Variants in DLGAP2 observed in about 807,000 individuals in gnomAD.
DLGAP2 encodes disks large-associated protein 2.
Under a neutral mutation model 100.3 loss-of-function variants are expected in DLGAP2, and 26 were observed. The observed-to-expected ratio is 0.26, with a 90% confidence interval of 0.19 to 0.36. The LOEUF is 0.36. Ranked by LOEUF, DLGAP2 falls within the 10% of genes least tolerant of loss-of-function variation. DLGAP2 has a pLI of 1.00. For synonymous variants in DLGAP2, 886 were observed against 630.1 expected, an observed-to-expected ratio of 1.41 and a Z score of -6.08; for missense variants, 1,858 against 1,453.2, an observed-to-expected ratio of 1.28 and a Z score of -4.53.
At position 885,810 on chromosome 8, in the gene DLGAP2, T is replaced by C. The variant is rs1182119638; in HGVS notation, c.19-22102T>C. ...ATATGTTCCTTCAATACCTAGTTTATTGAGAGTGTTTAACAATCAATGTTC... is the reference window on the plus strand; with the variant it reads ...ATATGTTCCTTCAATACCTAGTTTACTGAGAGTGTTTAACAATCAATGTTC... On this transcript the variant is annotated intron_variant, in intron 1 of 14. Transcript: ENST00000637795. Among the ~76,000 whole-genome samples the C allele has an allele frequency of 2.1e-4, 32 of 152,368 alleles. 1 individual carries two copies. The highest frequency in any genetic ancestry group is 2.0e-3 in the Admixed American group (31 of 15,304).
chr8:1,044,036 G>A (rs1488107193), intron 2 of DLGAP2, among the ~76,000 whole-genome samples: 1 of 152,110 alleles, frequency 6.6e-6, no homozygotes, highest in Non-Finnish European at 1.5e-5. Context: ...ACTTCTCACA[G>A]CAGTGACTGC....
chr8:762,864 T>C (rs543298137), intron 1 of DLGAP2, among the ~76,000 whole-genome samples: 55 of 152,088 alleles, frequency 3.6e-4, no homozygotes, highest in Admixed American at 1.6e-3. Context: ...TTTTTGTAGA[T>C]ACAGAGTTTC....
At chr8:1,563,627 T>A (rs1802269860) in intron 5 of DLGAP2, among the ~76,000 whole-genome samples, 1 of 152,068 alleles carries the variant, frequency 6.6e-6, no homozygotes, top group Admixed American at 6.5e-5. Flanking sequence ...GGGGAGCTCC[T>A]GCTCGTCCAG....
intron 2 of DLGAP2, among the ~76,000 whole-genome samples, chr8:1,203,610 T>C (rs1477739920): frequency 6.6e-6 from 1 of 152,210 alleles, no homozygotes; most frequent in African/African-American, 2.4e-5. Context: ...CTCGTTTGAA[T>C]GTACTTCCTA....
intron 2 of DLGAP2, among the ~76,000 whole-genome samples, chr8:1,223,048 A>G (rs894012855): frequency 6.6e-6 from 1 of 152,108 alleles, no homozygotes; most frequent in Non-Finnish European, 1.5e-5. Flanking sequence ...CTCCTTGGGC[A>G]CTTCTCCCTG....
At chr8:1,482,821 C>T (rs1365674748) in intron 3 of DLGAP2, among the ~76,000 whole-genome samples, 1 of 152,220 alleles carries the variant, frequency 6.6e-6, no homozygotes, top group East Asian at 1.9e-4. Flanking sequence ...GACCCTCGTT[C>T]GGGGCATCAG....
chr8:1,519,346 C>G (rs1800508564), intron 4 of DLGAP2, among the ~76,000 whole-genome samples: 1 of 152,212 alleles, frequency 6.6e-6, no homozygotes, highest in Middle Eastern at 3.4e-3. Flanking sequence ...CTTTGTGTGC[C>G]AAACAGTAGC....
At chr8:1,206,083 A>C (rs1182308654) in intron 2 of DLGAP2, among the ~76,000 whole-genome samples, 2 of 152,228 alleles carry the variant, frequency 1.3e-5, no homozygotes, top group Non-Finnish European at 2.9e-5. Context: ...CTGAGCATTT[A>C]GAAATCATGT....
rs1416736837 is a variant in DLGAP2 at position 772,025 on chromosome 8, C to T, written c.18+34200C>T. ...TCAAGCGATCCTCTTGCCTCAGCCT[C>T]TCGAGTAGCTGGGACTAAGGCATGC... On this transcript the variant is annotated intron_variant, in intron 1 of 14. Coordinates refer to ENST00000637795, the MANE Select transcript of DLGAP2 (RefSeq NM_001346810.2). Among the ~76,000 whole-genome samples the T allele has an allele frequency of 2.6e-5, 4 of 152,228 alleles. No individual in the cohort carries two copies. The East Asian group carries it at 7.8e-4, about 30-fold the overall frequency.
intron 3 of DLGAP2, among the ~76,000 whole-genome samples, chr8:1,352,643 A>T (rs1801762140): frequency 6.6e-6 from 1 of 152,180 alleles, no homozygotes; most frequent in Admixed American, 6.5e-5. Context: ...CTTTGAGGTA[A>T]AGACTCGAAC....
At chr8:839,348 T>A (rs989680267) in intron 1 of DLGAP2, among the ~76,000 whole-genome samples, 1 of 152,144 alleles carries the variant, frequency 6.6e-6, no homozygotes, top group East Asian at 1.9e-4. Flanking sequence ...TAACAACAGG[T>A]GAATGGATAA....
chr8:1,190,428 GGGGCA>G (rs1797607562), intron 2 of DLGAP2, among the ~76,000 whole-genome samples: 1 of 151,774 alleles, frequency 6.6e-6, no homozygotes, highest in Admixed American at 6.6e-5. Flanking sequence ...ATCTGCTGTT[GGGGCA>G]TCTGCTGTTG....
intron 2 of DLGAP2, among the ~76,000 whole-genome samples, chr8:1,039,405 T>G (rs915803066): frequency 6.7e-6 from 1 of 149,020 alleles, no homozygotes; most frequent in Non-Finnish European, 1.5e-5. Context: ...CTAAGCTTGG[T>G]TTCTGTGGTC....
chr8:1,485,013 T>C (rs924599971), intron 3 of DLGAP2, among the ~76,000 whole-genome samples: 1 of 152,160 alleles, frequency 6.6e-6, no homozygotes, highest in African/African-American at 2.4e-5. Flanking sequence ...ATAACTGCAA[T>C]GAGGATGAAA....
At chr8:1,007,332 C>T (rs1801148665) in intron 2 of DLGAP2, among the ~76,000 whole-genome samples, 1 of 152,218 alleles carries the variant, frequency 6.6e-6, no homozygotes, top group Non-Finnish European at 1.5e-5. Context: ...CTCAGGTGCC[C>T]ACGTCTCACT....
At position 1,039,654 on chromosome 8, in the gene DLGAP2, C is replaced by T. The variant is rs71512868; in HGVS notation, c.73+131688C>T. 8.3e-3 allele frequency among the ~76,000 whole-genome samples: 116 copies of T among 13,912 alleles called. 2 individuals carry two copies. The highest frequency in any genetic ancestry group is 0.017 in the South Asian group (5 of 290). The allele number at this position is 13,912 out of a possible 152,430, so 9.1% of individuals were successfully genotyped here. On this transcript the variant is annotated intron_variant, in intron 2 of 14. Transcript: ENST00000637795. The stretch of plus-strand genomic sequence containing the variant: ...GTCAGCTCGGTGTGCGTGGTCAGCT[C>T]GGTGTGGGTGGTCAGCTCGGTGTGC...
chr8:1,061,844 G>A (rs1428965992), intron 2 of DLGAP2, among the ~76,000 whole-genome samples: 2 of 152,024 alleles, frequency 1.3e-5, no homozygotes, highest in Non-Finnish European at 2.9e-5. Context: ...ACGAGACGTC[G>A]CTGGGAGGAG....
At chr8:1,120,252 G>A (rs566055691) in intron 2 of DLGAP2, among the ~76,000 whole-genome samples, 3 of 152,216 alleles carry the variant, frequency 2.0e-5, no homozygotes, top group South Asian at 4.2e-4. Flanking sequence ...AGACACGGAG[G>A]GGTCAAGCAG....
rs1014954233 is a variant in DLGAP2 at position 1,477,026 on chromosome 8, T to C, written c.107-24340T>C. On this transcript the variant is annotated intron_variant, in intron 3 of 14. Coordinates refer to ENST00000637795, the MANE Select transcript of DLGAP2 (RefSeq NM_001346810.2). ...ACCTAAACACCTGTGAAGACAGGTT[T>C]ATTCTCAGGTCATTCCTTCAGAGCA... is the stretch of plus-strand genomic sequence containing the variant. Among the ~76,000 whole-genome samples, 10 of 146,530 alleles carry C rather than the reference T, an allele frequency of 6.8e-5. No homozygotes were observed. In the East Asian group the frequency reaches 3.2e-3, roughly 47 times the overall value.
Sources: allele counts gnomAD v4.1 joint callset (sites outside exome capture counted in the v4.1 genomes callset), GRCh38; gene constraint gnomAD v4.1.1; transcripts MANE v1.5; gene names NCBI Gene and HGNC (gene_info 2026-07-23, HGNC 2026-07-21).